The following ARHGAP28 variants were observed in gnomAD, a reference collection of about 807,000 sequenced individuals.
ARHGAP28 encodes rho GTPase-activating protein 28.
Under a neutral mutation model 90.7 loss-of-function variants are expected in ARHGAP28, and 56 were observed. The observed-to-expected ratio is 0.62, with a 90% CI of 0.50 to 0.77. ARHGAP28 has a LOEUF of 0.77. Among genes scored for constraint, ARHGAP28 ranks in the 30% least tolerant of loss-of-function variants. The probability of loss-of-function intolerance (pLI) is 0.00; values close to 1 mark genes in which losing one functional copy is unlikely to be tolerated. For synonymous variants in ARHGAP28, 308 were observed against 323.3 expected (o/e 0.95, Z 0.51); for missense variants, 869 against 900.9 (o/e 0.96, Z 0.45).
chr18:6,889,934 A>C lies in ARHGAP28; in HGVS notation c.1583A>C (p.Asn528Thr). 1.9e-6 allele frequency: 3 copies of C among 1,614,176 alleles called. No homozygotes were observed. The highest frequency in any genetic ancestry group is 1.3e-5 in the African/African-American group (1 of 75,054). The change falls in exon 13 of 18, where the codon AAC becomes ACC. Residue 528 changes from asparagine to threonine, a missense_variant. Physicochemically the swap from Asn to Thr is moderately conservative, Grantham distance 65 (BLOSUM62 0). Coordinates refer to ENST00000383472, the MANE Select transcript of ARHGAP28 (RefSeq NM_001366230.1). Reference sequence around the variant, plus strand: ...AAAGTGATTGCCAATGAATCAAAAAACCGAATGAGTCTGTGGAACATTTCT... The same window carrying C: ...AAAGTGATTGCCAATGAATCAAAAACCCGAATGAGTCTGTGGAACATTTCT... ...FNKVIANESK[N>T]RMSLWNISTV...
rs1488905912 is a variant in ARHGAP28 at position 6,769,607 on chromosome 18, G to A, written c.122+39664G>A. 2.0e-5 allele frequency among the ~76,000 whole-genome samples: 3 copies of A among 152,290 alleles called. No individual in the cohort carries two copies. The East Asian group carries it at 5.8e-4, about 29-fold the overall frequency. ...TCACGAGGAAAGCGAGACTTGGAAAGATTAAGAAATTTGCTCAAGATCATG... is the reference window on the plus strand; with the variant it reads ...TCACGAGGAAAGCGAGACTTGGAAAAATTAAGAAATTTGCTCAAGATCATG... On this transcript the variant is annotated intron_variant, in intron 1 of 17. Coordinates refer to ENST00000383472, the MANE Select transcript of ARHGAP28 (RefSeq NM_001366230.1).
chr18:6,829,086 C>T (rs985355534), intron 2 of ARHGAP28, among the ~76,000 whole-genome samples: 7 of 152,184 alleles, frequency 4.6e-5, no homozygotes, highest in African/African-American at 7.2e-5. Flanking sequence ...ACACATGTAA[C>T]GAGAATCCAT....
At chr18:6,895,916 C>T (rs1034797935) in intron 15 of ARHGAP28, among the ~76,000 whole-genome samples, 1 of 152,094 alleles carries the variant, frequency 6.6e-6, no homozygotes, top group Non-Finnish European at 1.5e-5. Context: ...GTGTACATCA[C>T]CATCCTTTGA....
chr18:6,874,857 A>G (rs1241985), intron 9 of ARHGAP28: 82,713 of 151,958 alleles, frequency 0.54, 23,022 homozygotes, highest in African/African-American at 0.62. Flanking sequence ...TAGTCAGCAC[A>G]GAGCAGCCCA....
chr18:6,893,631 A>G (rs2057282588), intron 14 of ARHGAP28, among the ~76,000 whole-genome samples: 1 of 152,110 alleles, frequency 6.6e-6, no homozygotes, highest in African/African-American at 2.4e-5. Flanking sequence ...TTCTCATCTT[A>G]TAAATTGGGA....
intron 1 of ARHGAP28, chr18:6,789,388 A>G (rs1263801582): frequency 1.3e-5 from 2 of 152,218 alleles, no homozygotes; most frequent in African/African-American, 4.8e-5. Context: ...CCTGGCCAAC[A>G]CAGTGAAACC....
intron 14 of ARHGAP28, among the ~76,000 whole-genome samples, chr18:6,892,601 T>A (rs1402109293): frequency 6.6e-6 from 1 of 152,212 alleles, no homozygotes; most frequent in Non-Finnish European, 1.5e-5. Context: ...AGTATTATAA[T>A]GTAGCAACTT....
intron 7 of ARHGAP28, among the ~76,000 whole-genome samples, chr18:6,872,945 A>T (rs964719527): frequency 2.0e-5 from 3 of 152,212 alleles, no homozygotes; most frequent in African/African-American, 7.2e-5. Context: ...TAAAGTGTGC[A>T]GTATGGGATA....
rs577564028 is a variant in ARHGAP28 at position 6,729,991 on chromosome 18, G to A, written c.122+48G>A. The A allele has an allele frequency of 7.1e-5, 93 of 1,301,344 alleles. No homozygotes were observed. The African/African-American group carries it at 1.3e-3, about 19-fold the overall frequency. 80.6% of individuals were successfully genotyped at this position (1,301,344 alleles called of 1,614,324 possible). On this transcript the variant is annotated intron_variant, in intron 1 of 17. Coordinates refer to ENST00000383472, the MANE Select transcript of ARHGAP28 (RefSeq NM_001366230.1). ...GGGCGGCGCAGTCGCGCTGGGCTTG[G>A]GGGGTTCGCCGTGCAGCTGCGCCTT...
intron 1 of ARHGAP28, among the ~76,000 whole-genome samples, chr18:6,764,914 T>C (rs2056188729): frequency 6.6e-6 from 1 of 152,176 alleles, no homozygotes; most frequent in African/African-American, 2.4e-5. Context: ...CTATTGAGTT[T>C]AAACCAAATG....
intron 1 of ARHGAP28, among the ~76,000 whole-genome samples, chr18:6,747,217 C>T (rs982928359): frequency 6.6e-6 from 1 of 151,926 alleles, no homozygotes; most frequent in Non-Finnish European, 1.5e-5. Flanking sequence ...TTGTTTAGTA[C>T]TGTATCCTCT....
intron 1 of ARHGAP28, among the ~76,000 whole-genome samples, chr18:6,731,899 T>C (rs938485469): frequency 1.3e-5 from 2 of 152,180 alleles, no homozygotes; most frequent in Admixed American, 1.3e-4. Context: ...GAAAGCACTC[T>C]CTCTTTCAAG....
At chr18:6,862,268 A>G (rs2057004506) in intron 5 of ARHGAP28, among the ~76,000 whole-genome samples, 2 of 152,162 alleles carry the variant, frequency 1.3e-5, no homozygotes, top group African/African-American at 4.8e-5. Context: ...CAAATGAAGC[A>G]GGGGCCAGGG....
At chr18:6,869,541 A>G (rs1337231570) in intron 6 of ARHGAP28, among the ~76,000 whole-genome samples, 11 of 152,104 alleles carry the variant, frequency 7.2e-5, no homozygotes, top group Admixed American at 7.2e-4. Context: ...GATTATAGGC[A>G]TGAGCCACTG....
In ARHGAP28 at chr18:6,821,377, A is replaced by G. The variant is rs551792683; in HGVS notation, c.123-3385A>G. ...TTTCTGTGTAACACAATTGCATTCA[A>G]TTTGTCATGTAATATTTTCCTGGTA... On this transcript the variant is annotated intron_variant, in intron 1 of 17. Coordinates refer to ENST00000383472, the MANE Select transcript of ARHGAP28 (RefSeq NM_001366230.1). Among the ~76,000 whole-genome samples the G allele has an allele frequency of 6.6e-5, 10 of 152,278 alleles. No individual in the cohort carries two copies. In the South Asian group the frequency reaches 1.9e-3, roughly 28 times the overall value.
intron 6 of ARHGAP28, 59 bp downstream of exon 6, chr18:6,868,293 T>G (rs2057054464): frequency 7.0e-7 from 1 of 1,438,722 alleles, no homozygotes. Flanking sequence ...GTTCTGGCAC[T>G]CAATACAGTT....
intron 1 of ARHGAP28, among the ~76,000 whole-genome samples, chr18:6,781,345 C>T (rs780413162): frequency 6.6e-6 from 1 of 152,172 alleles, no homozygotes; most frequent in Non-Finnish European, 1.5e-5. Context: ...TCGTCCTGTT[C>T]CAGTTTCTGG....
intron 1 of ARHGAP28, among the ~76,000 whole-genome samples, chr18:6,813,007 G>A (rs559389825): frequency 8.5e-5 from 13 of 152,300 alleles, no homozygotes; most frequent in African/African-American, 2.9e-4. Context: ...AGAGGGTGAG[G>A]TAGAGAACTA....
chr18:6,748,088 C>T (rs2056039433), intron 1 of ARHGAP28, among the ~76,000 whole-genome samples: 1 of 152,224 alleles, frequency 6.6e-6, no homozygotes, highest in Non-Finnish European at 1.5e-5. Context: ...GCCACAGGTG[C>T]TGTGGAATGC....
Sources: gnomAD v4.1 joint callset for allele counts (sites outside exome capture counted in the v4.1 genomes callset) on GRCh38, gnomAD v4.1.1 for gene constraint, MANE v1.5 for transcripts, NCBI Gene and HGNC (gene_info 2026-07-23, HGNC 2026-07-21) for gene names.